The following NFE2L3 variants were observed in gnomAD, a reference collection of about 807,000 sequenced individuals.
The protein encoded by NFE2L3 is nuclear factor erythroid 2-related factor 3.
NFE2L3 carries 18 observed loss-of-function variants against 23.5 expected under a neutral mutation model. That is an observed-to-expected ratio of 0.77 (90% CI 0.53 to 1.13). The LOEUF (loss-of-function observed/expected upper bound fraction) is 1.13. Ranked by LOEUF, NFE2L3 falls within the 50% of genes most tolerant of loss-of-function variation. The probability of loss-of-function intolerance (pLI) is 0.00; values close to 1 mark genes in which losing one functional copy is unlikely to be tolerated. For missense variants in NFE2L3, 1,152 were observed against 877.2 expected, an observed-to-expected ratio of 1.31 and a Z score of -3.96; for synonymous variants, 424 against 354.5, an observed-to-expected ratio of 1.20 and a Z score of -2.20.
At chr7:26,179,206 A>T (rs566962586) in intron 2 of NFE2L3, among the ~76,000 whole-genome samples, 6 of 152,056 alleles carry the variant, frequency 3.9e-5, no homozygotes, top group Non-Finnish European at 8.8e-5. Context: ...AATTGATAAG[A>T]ATAACCCAGT....
In NFE2L3 at chr7:26,185,265, A is replaced by G. The variant is rs1469623850; in HGVS notation, c.1567A>G (p.Ile523Val). 5 of 1,613,982 alleles carry G rather than the reference A, an allele frequency of 3.1e-6. No homozygotes were observed. The highest frequency in any genetic ancestry group is 1.1e-5 in the South Asian group (1 of 91,082). ...PFPWPGKSQK[I>V]RSRYLEDTDR... is the part of the protein sequence containing the mutation. ...TCCGTGGCCTGGGAAGTCACAGAAG[A>G]TAAGGAGTAGATACCTTGAAGACAC... The change falls in exon 4 of 4, where the codon ATA becomes GTA. Residue 523 changes from isoleucine to valine, a missense_variant. Coordinates refer to ENST00000056233, the MANE Select transcript of NFE2L3 (RefSeq NM_004289.7).
In NFE2L3 at chr7:26,184,860, A is replaced by T; in HGVS notation, c.1162A>T (p.Ile388Leu). 6.2e-7 allele frequency: 1 copy of T among 1,613,962 alleles called. No homozygotes were observed. The highest frequency in any genetic ancestry group is 8.5e-7 in the Non-Finnish European group (1 of 1,179,838). The change falls in exon 4 of 4, where the codon ATA becomes TTA. Residue 388 changes from isoleucine (I) to leucine (L), a missense_variant. Physicochemically the swap from Ile to Leu is conservative, Grantham distance 5. Transcript: ENST00000056233. ...QDLLYDLDIN[I>L]FDEINLMSLA... ...CCTACTGTATGACCTTGACATAAAT[A>T]TATTTGATGAGATAAACTTAATGTC...
In NFE2L3 at chr7:26,185,615, T is replaced by C. The variant is rs1192708937; in HGVS notation, c.1917T>C (p.His639=). The C allele has an allele frequency of 1.9e-6, 3 of 1,613,886 alleles. No homozygotes were observed. Among genetic ancestry groups the C allele is most frequent in the Non-Finnish European group, 2.5e-6 (3 of 1,179,824 alleles). Residue 639 remains histidine, a synonymous_variant, in exon 4 of 4, where the codon CAT becomes CAC. Coordinates refer to ENST00000056233, the MANE Select transcript of NFE2L3 (RefSeq NM_004289.7). ...KAINIMKQKL[H]DLYHDIFSRL... ...TTAACATAATGAAACAGAAACTGCA[T>C]GACCTTTATCATGATATTTTTAGTA... is the stretch of plus-strand genomic sequence containing the variant.
In NFE2L3 at chr7:26,185,943, TTAGGACTTCAAGATCACACTTGTGGG is replaced by T; in HGVS notation, c.*161_*186del. On this transcript the variant is annotated 3_prime_UTR_variant, in exon 4 of 4. Transcript: ENST00000056233. ...TTTTGAAGCTTACATGGACAAATGT[TTAGGACTTCAAGATCACACTTGTGGG>T]CAATCTGGGGGAGCCACAACTTTTC... is the stretch of plus-strand genomic sequence containing the variant. The T allele has an allele frequency of 1.6e-6, 1 of 630,562 alleles. No individual in the cohort carries two copies. 39.1% of individuals were successfully genotyped at this position (630,562 alleles called of 1,614,324 possible).
Position 26,183,735 on chromosome 7 carries a change from T to C in NFE2L3, c.785T>C (p.Leu262Pro), listed in dbSNP as rs1782395508. The change falls in exon 3 of 4, where the codon CTG (leucine) becomes CCG (proline). Residue 262 changes from leucine (L) to proline (P), a missense_variant. Leu to Pro is a moderately conservative substitution (Grantham distance 98, BLOSUM62 -3). Transcript: ENST00000056233. ...HLNGTDTSFSLEDLFQLLSSQ... is the reference protein window; with the variant it reads ...HLNGTDTSFSPEDLFQLLSSQ... ...AATGGGACAGATACTTCTTTCTCTCTGGAAGACTTATTCCAGTTGCTTTCA... is the reference window on the plus strand; with the variant it reads ...AATGGGACAGATACTTCTTTCTCTCCGGAAGACTTATTCCAGTTGCTTTCA... The C allele has an allele frequency of 1.2e-6, 2 of 1,612,826 alleles. No individual in the cohort carries two copies. Among genetic ancestry groups the C allele is most frequent in the Admixed American group, 1.7e-5 (1 of 60,030 alleles).
rs754499019 is a variant in NFE2L3 at position 26,185,730 on chromosome 7, G to T, written c.2032G>T (p.Glu678Ter). Residue 678 changes from glutamate to a stop codon, truncating the protein, a stop_gained, in exon 4 of 4, where the codon GAA (glutamate) becomes TAA (stop). Transcript: ENST00000056233. LOFTEE classifies it high-confidence loss of function. ...HDGSILIVPK[E>*]LVASGHKKET... ...TGGAAGTATCTTGATAGTACCCAAA[G>T]AACTGGTGGCCTCAGGCCACAAAAA... 3.1e-6 allele frequency: 5 copies of T among 1,605,724 alleles called. No homozygotes were observed. The South Asian group carries it at 3.4e-5, about 11-fold the overall frequency.
At chr7:26,171,069 A>G (rs1784322498) in intron 1 of NFE2L3, among the ~76,000 whole-genome samples, 1 of 152,318 alleles carries the variant, frequency 6.6e-6, no homozygotes, top group Non-Finnish European at 1.5e-5. Flanking sequence ...TAGGAATTAT[A>G]ATTGGCACAA....
rs542719010 is a variant in NFE2L3, at chr7:26,152,473, G to C, written c.-26G>C. 2.0e-4 allele frequency: 258 copies of C among 1,272,330 alleles called. No individual in the cohort carries two copies. In the African/African-American group the frequency reaches 3.8e-3, roughly 19 times the overall value. 78.8% of individuals were successfully genotyped at this position (1,272,330 alleles called of 1,614,324 possible). A position where few individuals can be genotyped will look rare whatever the true frequency, so the allele number is the denominator to read the frequency against. ...GCGCCGGGACCCGCGGGCGCCGGCA[G>C]GGGCGTTCCCGGGCGCGCGGCGGCG... is the stretch of plus-strand genomic sequence containing the variant. On this transcript the variant is annotated 5_prime_UTR_variant, in exon 1 of 4. Transcript: ENST00000056233. The surrounding 1 kb of genome is among the most constrained non-coding windows in gnomAD (Gnocchi z 4.4).
At chr7:26,172,815 G>C (rs1335837255) in intron 1 of NFE2L3, among the ~76,000 whole-genome samples, 1 of 152,128 alleles carries the variant, frequency 6.6e-6, no homozygotes, top group Non-Finnish European at 1.5e-5. Context: ...TTGACCATTT[G>C]ATTTAGATGG....
intron 1 of NFE2L3, among the ~76,000 whole-genome samples, chr7:26,165,503 C>G (rs1370652818): frequency 6.6e-6 from 1 of 152,072 alleles, no homozygotes; most frequent in Non-Finnish European, 1.5e-5. Flanking sequence ...ATTTTGTATC[C>G]CGAGGCTTTG....
intron 1 of NFE2L3, among the ~76,000 whole-genome samples, chr7:26,154,552 T>C (rs981548068): frequency 2.8e-4 from 42 of 152,168 alleles, no homozygotes; most frequent in African/African-American, 9.4e-4. Context: ...GGCTGTTTTT[T>C]TGTTTGTTTT....
At chr7:26,154,186 G>A (rs966256431) in intron 1 of NFE2L3, among the ~76,000 whole-genome samples, 4 of 152,156 alleles carry the variant, frequency 2.6e-5, no homozygotes, top group Non-Finnish European at 5.9e-5. Context: ...CCTGGGGACC[G>A]GAACCAATGG....
intron 1 of NFE2L3, among the ~76,000 whole-genome samples, chr7:26,154,857 C>T (rs368241094): frequency 6.6e-6 from 1 of 152,288 alleles, no homozygotes. Context: ...GGCAGGCCTG[C>T]CTTGGAGGCA....
Position 26,185,838 on chromosome 7 carries a change from T to C in NFE2L3, c.*55T>C, listed in dbSNP as rs1000159250. ...GAAGTAGTAATGTTCAGAAACTGAT[T>C]ATTTGGATCAGAAACCATTGAAACT... On this transcript the variant is annotated 3_prime_UTR_variant, in exon 4 of 4. Transcript: ENST00000056233. 37 of 1,392,350 alleles carry C rather than the reference T, an allele frequency of 2.7e-5. No homozygotes were observed. The Middle Eastern group carries it at 1.7e-3, about 65-fold the overall frequency. 86.2% of individuals were successfully genotyped at this position (1,392,350 alleles called of 1,614,324 possible).
chr7:26,185,849 G>C lies in NFE2L3; in HGVS notation c.*66G>C. 1 of 1,234,246 alleles carries C rather than the reference G, an allele frequency of 8.1e-7. No homozygotes were observed. The highest frequency in any genetic ancestry group is 1.1e-6 in the Non-Finnish European group (1 of 897,486). 76.5% of individuals were successfully genotyped at this position (1,234,246 alleles called of 1,614,324 possible). On this transcript the variant is annotated 3_prime_UTR_variant, in exon 4 of 4. Coordinates refer to ENST00000056233, the MANE Select transcript of NFE2L3 (RefSeq NM_004289.7). ...GTTCAGAAACTGATTATTTGGATCA[G>C]AAACCATTGAAACTGCTTCAAGAAT...
rs540294649 is a variant in NFE2L3 at position 26,152,364 on chromosome 7, C to T, written c.-135C>T. The T allele has an allele frequency of 1.8e-5, 10 of 552,490 alleles. No homozygotes were observed. The South Asian group carries it at 8.0e-4, about 44-fold the overall frequency. The allele number at this position is 552,490 out of a possible 1,614,324, so 34.2% of individuals were successfully genotyped here. On this transcript the variant is annotated 5_prime_UTR_variant, in exon 1 of 4. Coordinates refer to ENST00000056233, the MANE Select transcript of NFE2L3 (RefSeq NM_004289.7). This position sits in a 1 kb window ranked among gnomAD's most constrained non-coding sequence, Gnocchi z 4.4. ...GGGAACCCGCGACGGCCGCCACGCG[C>T]CCCGGTCCATTGTTTCGCTTATCTG... is the stretch of plus-strand genomic sequence containing the variant.
At chr7:26,181,012 T>C (rs182292818) in intron 2 of NFE2L3, among the ~76,000 whole-genome samples, 1 of 152,154 alleles carries the variant, frequency 6.6e-6, no homozygotes, top group African/African-American at 2.4e-5. Context: ...GATCTCACTC[T>C]GTCACCCAGG....
intron 2 of NFE2L3, among the ~76,000 whole-genome samples, chr7:26,182,092 G>C (rs1378801612): frequency 1.3e-5 from 2 of 152,014 alleles, no homozygotes; most frequent in Non-Finnish European, 2.9e-5. Context: ...CAGATTAAAG[G>C]ACTACACAGA....
intron 1 of NFE2L3, among the ~76,000 whole-genome samples, chr7:26,153,416 C>A (rs1285725619): frequency 6.6e-6 from 1 of 152,172 alleles, no homozygotes; most frequent in Non-Finnish European, 1.5e-5. Context: ...GGGTGTCGTT[C>A]TCTGGGACCC....
Sources: allele counts gnomAD v4.1 joint callset (sites outside exome capture counted in the v4.1 genomes callset), GRCh38; gene constraint gnomAD v4.1.1; non-coding constraint Gnocchi (gnomAD v3.1); transcripts MANE v1.5; gene names NCBI Gene and HGNC (gene_info 2026-07-23, HGNC 2026-07-21).